Variants in ALOX12B observed in about 807,000 individuals in gnomAD.
The protein encoded by ALOX12B is arachidonate 12-lipoxygenase, 12R-type.
ALOX12B carries 47 observed loss-of-function variants against 78.9 expected under a neutral mutation model. The observed-to-expected ratio is 0.60, with a 90% CI of 0.47 to 0.76. The LOEUF (loss-of-function observed/expected upper bound fraction) is 0.76. ALOX12B is among the 30% of genes least tolerant of loss of function. The pLI is 0.00. For synonymous variants in ALOX12B, 370 were observed against 374.5 expected (o/e 0.99, Z 0.14); for missense variants, 805 against 922.6 (o/e 0.87, Z 1.65).
rs888963343 is a variant in ALOX12B, at chr17:8,079,622, C to T, written c.928-83G>A. The T allele has an allele frequency of 5.2e-6, 8 of 1,536,280 alleles. No homozygotes were observed. The highest frequency in any genetic ancestry group is 6.2e-6 in the Non-Finnish European group (7 of 1,138,040). ...GCGCCGCAGGTGCACAGGGCGCTGG[C>T]GACTAGGGGCAGGGGTGGGACGGGG... On this transcript the variant is annotated intron_variant, in intron 7 of 14. Transcript: ENST00000647874. This position sits in a 1 kb window ranked among gnomAD's most constrained non-coding sequence, Gnocchi z 6.4.
chr17:8,074,741 A>G (rs1055021162), intron 12 of ALOX12B, among the ~76,000 whole-genome samples: 1 of 152,128 alleles, frequency 6.6e-6, no homozygotes, highest in Admixed American at 6.6e-5. Flanking sequence ...GCCTCAGCCC[A>G]TTGGGAACCT....
At position 8,087,385 on chromosome 17, in the gene ALOX12B, C is replaced by A. The variant is rs1978305028; in HGVS notation, c.58G>T (p.Asp20Tyr). 2 of 1,614,226 alleles carry A rather than the reference C, an allele frequency of 1.2e-6. No homozygotes were observed. Among genetic ancestry groups the A allele is most frequent in the Non-Finnish European group, 1.7e-6 (2 of 1,180,042 alleles). Residue 20 changes from aspartate to tyrosine, a missense_variant, in exon 1 of 15, where the codon GAC becomes TAC. Asp to Tyr is a radical substitution (Grantham distance 160). Coordinates refer to ENST00000647874, the MANE Select transcript of ALOX12B (RefSeq NM_001139.3). ...CCCACAATGGTCAGTGAGATGGAGT[C>A]CCGTGTTCCCGACAAGAGGTCGGTG... ...TGTDLLSGTRDSISLTIVGTQ... is the reference protein window; with the variant it reads ...TGTDLLSGTRYSISLTIVGTQ...
Position 8,080,166 on chromosome 17 carries a change from G to C in ALOX12B, c.754+69C>G, listed in dbSNP as rs776373653. 1.9e-6 allele frequency: 3 copies of C among 1,555,858 alleles called. No homozygotes were observed. Among genetic ancestry groups the C allele is most frequent in the African/African-American group, 1.4e-5 (1 of 73,648 alleles). ...TCTCCCGTCCCACTGCCCCGAAGTC[G>C]GGGGCCTGCCTAGCACGCCGGAGAC... is the stretch of plus-strand genomic sequence containing the variant. On this transcript the variant is annotated intron_variant, in intron 6 of 14. Transcript: ENST00000647874. This position sits in a 1 kb window ranked among gnomAD's most constrained non-coding sequence, Gnocchi z 4.8.
At chr17:8,085,463 G>A (rs886460628) in intron 2 of ALOX12B, among the ~76,000 whole-genome samples, 1 of 152,170 alleles carries the variant, frequency 6.6e-6, no homozygotes, top group Non-Finnish European at 1.5e-5. Context: ...AAGAAAGCCA[G>A]GGCGTCATAA....
rs142292860 is a variant in ALOX12B, at chr17:8,083,003, A to C, written c.353-1816T>G. Among the ~76,000 whole-genome samples, 138 of 152,296 alleles carry C rather than the reference A, an allele frequency of 9.1e-4. 1 individual carries two copies. Among genetic ancestry groups the C allele is most frequent in the Admixed American group, 8.2e-3 (126 of 15,292 alleles). Reference sequence around the variant, plus strand: ...AAGTTTGTCTGTTTGTTCCACAACAAATTCATTGGTTGACAAAGCCTGCTG... The same window carrying C: ...AAGTTTGTCTGTTTGTTCCACAACACATTCATTGGTTGACAAAGCCTGCTG... On this transcript the variant is annotated intron_variant, in intron 2 of 14. Transcript: ENST00000647874.
Position 8,072,888 on chromosome 17 carries a change from C to T in ALOX12B, c.1989G>A (p.Glu663=). The T allele has an allele frequency of 6.2e-7, 1 of 1,614,144 alleles. No individual in the cohort carries two copies. Residue 663 remains glutamate (E), a synonymous_variant, in exon 15 of 15, where the codon GAG becomes GAA. Coordinates refer to ENST00000647874, the MANE Select transcript of ALOX12B (RefSeq NM_001139.3). ...FVEEAPRRSI[E]AFRQRLNQIS... ...TCTGGTTCAGGCGCTGGCGGAACGC[C>T]TCTATGCTCCTCCGCGGGGCCTCCT... is the stretch of plus-strand genomic sequence containing the variant.
chr17:8,083,550 G>A (rs1978289812), intron 2 of ALOX12B, among the ~76,000 whole-genome samples: 1 of 151,974 alleles, frequency 6.6e-6, no homozygotes, highest in South Asian at 2.1e-4. Flanking sequence ...CCAACATGAT[G>A]AAACCCCATC....
chr17:8,081,804 G>A (rs865834245), intron 2 of ALOX12B, among the ~76,000 whole-genome samples: 16 of 151,986 alleles, frequency 1.1e-4, no homozygotes, highest in Admixed American at 6.6e-5. Flanking sequence ...CACCATGCCC[G>A]GCTACTTTTT....
intron 2 of ALOX12B, among the ~76,000 whole-genome samples, chr17:8,084,255 C>T (rs755689368): frequency 1.3e-5 from 2 of 152,190 alleles, no homozygotes; most frequent in East Asian, 3.8e-4. Flanking sequence ...GGCTGGTGGT[C>T]CCCAGGCTGG....
rs1262809439 is a variant in ALOX12B at position 8,076,333 on chromosome 17, C to A, written c.1374G>T (p.Leu458=). 4.4e-6 allele frequency: 7 copies of A among 1,604,168 alleles called. No individual in the cohort carries two copies. Among genetic ancestry groups the A allele is most frequent in the Non-Finnish European group, 6.0e-6 (7 of 1,175,232 alleles). The stretch of plus-strand genomic sequence containing the variant: ...TCACCCCAGCAAAGCCTTCCACGCC[C>A]AGGGACATGCCCTGTGAGGAAGGAG... ...EGGLSAKGMS[L]GVEGFAGVMV... is the part of the protein sequence containing the mutation. The change falls in exon 11 of 15, where the codon CTG becomes CTT. Residue 458 remains leucine, a synonymous_variant. Transcript: ENST00000647874.
chr17:8,083,989 T>C (rs1260691199), intron 2 of ALOX12B, among the ~76,000 whole-genome samples: 2 of 151,984 alleles, frequency 1.3e-5, no homozygotes, highest in Non-Finnish European at 2.9e-5. Context: ...AAACCCCATC[T>C]GTACTAAAAA....
Position 8,080,093 on chromosome 17 carries a change from C to T in ALOX12B, c.754+142G>A. The T allele has an allele frequency of 6.8e-7, 1 of 1,473,174 alleles. No individual in the cohort carries two copies. The highest frequency in any genetic ancestry group is 9.5e-7 in the Non-Finnish European group (1 of 1,057,874). The allele number at this position is 1,473,174 out of a possible 1,614,324, so 91.3% of individuals were successfully genotyped here. A position where few individuals can be genotyped will look rare whatever the true frequency, so the allele number is the denominator to read the frequency against. On this transcript the variant is annotated intron_variant, in intron 6 of 14. Coordinates refer to ENST00000647874, the MANE Select transcript of ALOX12B (RefSeq NM_001139.3). The surrounding 1 kb of genome is among the most constrained non-coding windows in gnomAD (Gnocchi z 4.8). ...GCTGAGCGGCCGGAGGAGCCCGGTG[C>T]GACATTTTCCAAGAAGCCGCCAGAG...
At position 8,079,712 on chromosome 17, in the gene ALOX12B, G is replaced by T; in HGVS notation, c.927+57C>A. The T allele has an allele frequency of 2.5e-6, 4 of 1,574,062 alleles. No homozygotes were observed. The highest frequency in any genetic ancestry group is 1.1e-5 in the South Asian group (1 of 86,990). ...GGCGCCGGAGGTGGGGAGAGACGGG[G>T]ATGCCCGCGAGGGAGGCCGGGAGGA... On this transcript the variant is annotated intron_variant, in intron 7 of 14. Coordinates refer to ENST00000647874, the MANE Select transcript of ALOX12B (RefSeq NM_001139.3). The surrounding 1 kb of genome is among the most constrained non-coding windows in gnomAD (Gnocchi z 6.4).
chr17:8,081,396 A>G lies in ALOX12B; in HGVS notation c.353-209T>C, dbSNP rs1977215743. On this transcript the variant is annotated intron_variant, in intron 2 of 14. Coordinates refer to ENST00000647874, the MANE Select transcript of ALOX12B (RefSeq NM_001139.3). Reference sequence around the variant, plus strand: ...GACCCACCCTCTTTCCTCTTGCTCTACTGTCAAGCTAAGCTCTGCTGCTGC... The same window carrying G: ...GACCCACCCTCTTTCCTCTTGCTCTGCTGTCAAGCTAAGCTCTGCTGCTGC... 6.2e-5 allele frequency: 40 copies of G among 641,590 alleles called. No homozygotes were observed. The South Asian group carries it at 6.6e-4, about 11-fold the overall frequency. The allele number at this position is 641,590 out of a possible 1,614,324, so 39.7% of individuals were successfully genotyped here. A position where few individuals can be genotyped will look rare whatever the true frequency, so the allele number is the denominator to read the frequency against.
intron 2 of ALOX12B, among the ~76,000 whole-genome samples, chr17:8,085,659 T>C (rs1334354352): frequency 6.6e-6 from 1 of 152,212 alleles, no homozygotes; most frequent in Non-Finnish European, 1.5e-5. Flanking sequence ...GTCCTGAGCC[T>C]GTACTTAGCA....
intron 8 of ALOX12B, among the ~76,000 whole-genome samples, chr17:8,078,631 C>T (rs1977139235): frequency 6.6e-6 from 1 of 152,110 alleles, no homozygotes; most frequent in South Asian, 2.1e-4. Context: ...CCCAGCTCCG[C>T]TGAGCAGCGC....
At chr17:8,081,297 C>T (rs1229332973) in intron 2 of ALOX12B, 110 bp from the exon 3 acceptor site, 2 of 1,095,266 alleles carry the variant, frequency 1.8e-6, no homozygotes, top group Non-Finnish European at 2.8e-6. Flanking sequence ...GGGCCCATGA[C>T]CAAGGAGTGG....
intron 2 of ALOX12B, among the ~76,000 whole-genome samples, chr17:8,081,958 T>C (rs974192701): frequency 6.6e-6 from 1 of 152,224 alleles, no homozygotes; most frequent in Non-Finnish European, 1.5e-5. Flanking sequence ...GTACACATTT[T>C]TTAACACCCA....
chr17:8,074,146 T>C (rs1221453996), intron 12 of ALOX12B, among the ~76,000 whole-genome samples: 3 of 151,878 alleles, frequency 2.0e-5, no homozygotes, highest in East Asian at 3.9e-4. Context: ...CCCTCTCCAC[T>C]CCCTCCCATC....
Sources: gnomAD v4.1 joint callset for allele counts (sites outside exome capture counted in the v4.1 genomes callset) on GRCh38, gnomAD v4.1.1 for gene constraint, Gnocchi (gnomAD v3.1) non-coding constraint, MANE v1.5 for transcripts, NCBI Gene and HGNC (gene_info 2026-07-23, HGNC 2026-07-21) for gene names.